NFATC3: variants seen among roughly 807,000 people sequenced by gnomAD.
The protein encoded by NFATC3 is nuclear factor of activated T cells 3.
In NFATC3, 46 loss-of-function variants were observed where a neutral mutation model predicts 98.6. The ratio of observed to expected loss-of-function variants is 0.47; its 90% CI spans 0.37 to 0.60. NFATC3 has a LOEUF of 0.60. Among genes scored for constraint, NFATC3 ranks in the 20% least tolerant of loss-of-function variants. The pLI is 0.00. For missense variants in NFATC3, 1,256 were observed against 1,295.5 expected (o/e 0.97, Z 0.47); for synonymous variants, 512 against 472.2 (o/e 1.08, Z -1.09).
chr16:68,226,120 CT>C, intron 9 of NFATC3: 1 of 424,452 alleles, frequency 2.4e-6, no homozygotes, highest in African/African-American at 2.1e-5. Flanking sequence ...GGTAAGCCCC[CT>C]TCCCAACCCA....
intron 5 of NFATC3, among the ~76,000 whole-genome samples, chr16:68,171,273 T>G (rs2039446128): frequency 6.6e-6 from 1 of 152,152 alleles, no homozygotes; most frequent in South Asian, 2.1e-4. Flanking sequence ...TCTCCTAAAG[T>G]GCTGGGATTA....
In NFATC3 at chr16:68,135,326, T is replaced by G. The variant is rs527665555; in HGVS notation, c.1401+8716T>G. Among the ~76,000 whole-genome samples, 6 of 151,690 alleles carry G rather than the reference T, an allele frequency of 4.0e-5. No homozygotes were observed. The South Asian group carries it at 1.3e-3, about 32-fold the overall frequency. On this transcript the variant is annotated intron_variant, in intron 3 of 9. Coordinates refer to ENST00000346183, the MANE Select transcript of NFATC3 (RefSeq NM_173165.3). ...ACAAAAAATTAGCCGAGCGTGTTGGTGGGCACCTGTAGTCCCAGCTACTCG... is the reference window on the plus strand; with the variant it reads ...ACAAAAAATTAGCCGAGCGTGTTGGGGGGCACCTGTAGTCCCAGCTACTCG...
chr16:68,094,641 T>G (rs888189881), intron 1 of NFATC3, among the ~76,000 whole-genome samples: 1 of 152,168 alleles, frequency 6.6e-6, no homozygotes, highest in African/African-American at 2.4e-5. Context: ...AACTCTCCCT[T>G]TGAGAGCAAA....
intron 6 of NFATC3, among the ~76,000 whole-genome samples, chr16:68,177,303 G>C (rs2039763403): frequency 6.6e-6 from 1 of 151,996 alleles, no homozygotes; most frequent in African/African-American, 2.4e-5. Context: ...CGCCCGTCTT[G>C]GCCTCCCAAA....
At chr16:68,201,551 G>A (rs1258006240) in intron 9 of NFATC3, among the ~76,000 whole-genome samples, 1 of 151,316 alleles carries the variant, frequency 6.6e-6, no homozygotes, top group Non-Finnish European at 1.5e-5. Flanking sequence ...TATTACAGGC[G>A]TGAGCCACTG....
intron 3 of NFATC3, among the ~76,000 whole-genome samples, chr16:68,150,961 C>A (rs1443045458): frequency 2.0e-5 from 3 of 152,152 alleles, no homozygotes; most frequent in Non-Finnish European, 4.4e-5. Flanking sequence ...GAGGCCCCCC[C>A]AGCCATGGGG....
rs1418737952 is a variant in NFATC3 at position 68,226,338 on chromosome 16, C to T, written c.3107-12C>T. ...GAGGTCACTAATCACTCTCCCTTTT[C>T]TTGTTTTTCAGTGAACGAGATAATT... On this transcript the variant is annotated splice_polypyrimidine_tract_variant and intron_variant, in intron 9 of 9. Transcript: ENST00000346183. The T allele has an allele frequency of 1.3e-6, 2 of 1,571,110 alleles. No homozygotes were observed. The highest frequency in any genetic ancestry group is 1.7e-6 in the Non-Finnish European group (2 of 1,163,368).
intron 4 of NFATC3, among the ~76,000 whole-genome samples, chr16:68,159,029 T>G (rs1394708384): frequency 6.6e-6 from 1 of 152,198 alleles, no homozygotes; most frequent in Non-Finnish European, 1.5e-5. Flanking sequence ...CTCAGGAATT[T>G]CAGACCAGCC....
chr16:68,168,946 A>G (rs2039338866), intron 5 of NFATC3, among the ~76,000 whole-genome samples: 1 of 152,176 alleles, frequency 6.6e-6, no homozygotes, highest in Non-Finnish European at 1.5e-5. Flanking sequence ...TATTTTTAAA[A>G]TTTAAAAAAT....
chr16:68,174,356 TA>T lies in NFATC3; in HGVS notation c.1775-11del, dbSNP rs757780132. 1 of 1,375,612 alleles carries T rather than the reference TA, an allele frequency of 7.3e-7. No homozygotes were observed. Among genetic ancestry groups the T allele is most frequent in the South Asian group, 2.1e-5 (1 of 46,582 alleles). 85.2% of individuals were successfully genotyped at this position (1,375,612 alleles called of 1,614,324 possible). On this transcript the variant is annotated splice_polypyrimidine_tract_variant and intron_variant, in intron 5 of 9. Coordinates refer to ENST00000346183, the MANE Select transcript of NFATC3 (RefSeq NM_173165.3). Reference sequence around the variant, plus strand: ...AATATTTTGTTTTTTCTCAACTCTTTAAAAAAATTTAAAACAGCCCAGCGGT... The same window carrying T: ...AATATTTTGTTTTTTCTCAACTCTTTAAAAAATTTAAAACAGCCCAGCGGT...
chr16:68,171,797 CT>C lies in NFATC3; in HGVS notation c.1775-2569del, dbSNP rs547265434. ...GCTGCATACACATCTTTTTTCTTTTCTTTTTTTTATGATGGAGTCTCGCTGT... is the reference window on the plus strand; with the variant it reads ...GCTGCATACACATCTTTTTTCTTTTCTTTTTTTATGATGGAGTCTCGCTGT... On this transcript the variant is annotated intron_variant, in intron 5 of 9. Coordinates refer to ENST00000346183, the MANE Select transcript of NFATC3 (RefSeq NM_173165.3). Among the ~76,000 whole-genome samples, 736 of 149,482 alleles carry C rather than the reference CT, an allele frequency of 4.9e-3. 7 individuals carry two copies. Among genetic ancestry groups the C allele is most frequent in the African/African-American group, 0.017 (696 of 40,692 alleles).
At chr16:68,214,269 A>G in intron 9 of NFATC3, 1 of 1,293,320 alleles carries the variant, frequency 7.7e-7, no homozygotes, top group East Asian at 2.3e-5. Flanking sequence ...GCACTGTAGT[A>G]GATTAAGTTC....
At chr16:68,199,537 TAA>T (rs779667582) in intron 9 of NFATC3, among the ~76,000 whole-genome samples, 14 of 126,738 alleles carry the variant, frequency 1.1e-4, no homozygotes, top group African/African-American at 1.2e-4. Context: ...AGACCCTGTT[TAA>T]AAAAAAAAAA....
intron 3 of NFATC3, among the ~76,000 whole-genome samples, chr16:68,153,815 G>T (rs111701446): frequency 2.6e-5 from 4 of 151,738 alleles, no homozygotes; most frequent in African/African-American, 9.7e-5. Flanking sequence ...GAGTTTCACC[G>T]TGTTAGCCAG....
intron 1 of NFATC3, among the ~76,000 whole-genome samples, chr16:68,097,386 G>A (rs557433820): frequency 6.6e-6 from 1 of 152,206 alleles, no homozygotes; most frequent in Non-Finnish European, 1.5e-5. Context: ...TCAGTTTTGT[G>A]TATGTCTAGT....
intron 9 of NFATC3, chr16:68,192,251 A>ATATATATATATGTATG (rs1427447833): frequency 1.3e-4 from 14 of 109,112 alleles, no homozygotes; most frequent in African/African-American, 4.4e-4. Flanking sequence ...ATATATATAT[A>ATATATATATATGTATG]TATGTATGTG....
At chr16:68,182,855 A>T (rs570793830) in intron 7 of NFATC3, among the ~76,000 whole-genome samples, 1 of 152,348 alleles carries the variant, frequency 6.6e-6, no homozygotes, top group Non-Finnish European at 1.5e-5. Flanking sequence ...ATTTAAAATA[A>T]GAAATCTAAA....
Position 68,183,109 on chromosome 16 carries a change from A to C in NFATC3, c.1972-131A>C, listed in dbSNP as rs113521655. The C allele has an allele frequency of 7.0e-6, 6 of 852,740 alleles. No individual in the cohort carries two copies. The South Asian group carries it at 1.1e-4, about 16-fold the overall frequency. The allele number at this position is 852,740 out of a possible 1,614,324, so 52.8% of individuals were successfully genotyped here. On this transcript the variant is annotated intron_variant, in intron 7 of 9. Coordinates refer to ENST00000346183, the MANE Select transcript of NFATC3 (RefSeq NM_173165.3). ...CCTTTAGTAAATCTCCAGATGATGT[A>C]TATGACTAGCTGATGTGCATAATTA...
Position 68,085,444 on chromosome 16 carries a change from CA to C in NFATC3, c.-237del, listed in dbSNP as rs2034311885. The C allele has an allele frequency of 5.2e-6, 2 of 383,920 alleles. No homozygotes were observed. The highest frequency in any genetic ancestry group is 9.4e-6 in the Non-Finnish European group (2 of 213,294). 23.8% of individuals were successfully genotyped at this position (383,920 alleles called of 1,614,324 possible). ...CGGCGGGGAACATTGGCTAAGCCGA[CA>C]GTGGAGGCTTAGGCACCGGTGGCGG... On this transcript the variant is annotated 5_prime_UTR_variant, in exon 1 of 10. Transcript: ENST00000346183.
Sources: allele counts gnomAD v4.1 joint callset (sites outside exome capture counted in the v4.1 genomes callset), GRCh38; gene constraint gnomAD v4.1.1; transcripts MANE v1.5; gene names NCBI Gene and HGNC (gene_info 2026-07-23, HGNC 2026-07-21).